TTC1: variants seen among roughly 807,000 people sequenced by gnomAD.
TTC1 encodes the protein tetratricopeptide repeat domain 1, also known as tetratricopeptide repeat protein 1.
TTC1 carries 31 observed loss-of-function variants against 37.6 expected under a neutral mutation model. That is an observed-to-expected ratio of 0.82 (90% CI 0.62 to 1.11). The LOEUF is 1.11. TTC1 is among the 50% of genes most tolerant of loss of function. The probability of loss-of-function intolerance (pLI) is 0.00; values close to 1 mark genes in which losing one functional copy is unlikely to be tolerated. For synonymous variants in TTC1, 127 were observed against 122.4 expected (o/e 1.04, Z -0.25); for missense variants, 351 against 339.0 (o/e 1.04, Z -0.28).
intron 2 of TTC1, among the ~76,000 whole-genome samples, chr5:160,032,072 A>G (rs1756920678): frequency 6.6e-6 from 1 of 152,184 alleles, no homozygotes; most frequent in Non-Finnish European, 1.5e-5. Flanking sequence ...CTTTCTGTAT[A>G]CTTGAGACGT....
chr5:160,059,957 G>A (rs1278204494), intron 7 of TTC1, among the ~76,000 whole-genome samples: 1 of 152,178 alleles, frequency 6.6e-6, no homozygotes, highest in African/African-American at 2.4e-5. Context: ...CACAATATCT[G>A]TAAAGCACAA....
At chr5:160,040,265 TAC>T (rs34348207) in intron 4 of TTC1, among the ~76,000 whole-genome samples, 9 of 150,808 alleles carry the variant, frequency 6.0e-5, no homozygotes, top group South Asian at 2.1e-4. Context: ...CACATATGTA[TAC>T]ACACACACAC....
At chr5:160,036,494 C>T (rs1258997842) in intron 3 of TTC1, 197 bp from the exon 4 acceptor site, 2 of 459,962 alleles carry the variant, frequency 4.3e-6, no homozygotes, top group Non-Finnish European at 8.0e-6. Flanking sequence ...GAGATTGGCA[C>T]AAGCAAGCAC....
chr5:160,049,567 T>C lies in TTC1; in HGVS notation c.595T>C (p.Tyr199His), dbSNP rs1314304701. The C allele has an allele frequency of 2.5e-6, 4 of 1,611,350 alleles. No individual in the cohort carries two copies. Among genetic ancestry groups the C allele is most frequent in the Non-Finnish European group, 3.4e-6 (4 of 1,179,024 alleles). The change falls in exon 6 of 8, where the codon TAT becomes CAT. Residue 199 changes from tyrosine to histidine, a missense_variant. Transcript: ENST00000231238. ...GGCAATATTGAGGAGAGCAGAGTTG[T>C]ATGAGAAGACGGACAAGCTAGATGA... Reference protein sequence around the residue: ...IRAILRRAELYEKTDKLDEAL... With the variant: ...IRAILRRAELHEKTDKLDEAL...
intron 7 of TTC1, among the ~76,000 whole-genome samples, chr5:160,053,674 A>G (rs1338907559): frequency 6.6e-6 from 1 of 152,140 alleles, no homozygotes; most frequent in African/African-American, 2.4e-5. Context: ...GTTCCATACA[A>G]ATTTTAGGAT....
intron 2 of TTC1, among the ~76,000 whole-genome samples, chr5:160,016,460 G>A (rs1003140917): frequency 2.0e-5 from 3 of 152,128 alleles, no homozygotes; most frequent in Non-Finnish European, 4.4e-5. Flanking sequence ...GTAATATAAT[G>A]TCAAATTAAT....
chr5:160,033,306 T>C (rs1756944730), intron 2 of TTC1, among the ~76,000 whole-genome samples: 3 of 152,194 alleles, frequency 2.0e-5, no homozygotes, highest in African/African-American at 7.2e-5. Context: ...GAATTGTTAT[T>C]TGTACCTGCT....
intron 2 of TTC1, among the ~76,000 whole-genome samples, chr5:160,033,571 A>G (rs936717805): frequency 6.6e-6 from 1 of 152,370 alleles, no homozygotes; most frequent in South Asian, 2.1e-4. Context: ...TTTATAAACA[A>G]AAGAGGTTGA....
intron 2 of TTC1, among the ~76,000 whole-genome samples, chr5:160,031,864 G>T (rs954168043): frequency 9.9e-5 from 15 of 151,940 alleles, no homozygotes; most frequent in African/African-American, 3.6e-4. Context: ...ATTACCTAGG[G>T]GCAGTGGTGC....
chr5:160,023,712 A>G (rs924806160), intron 2 of TTC1: 43 of 1,596,982 alleles, frequency 2.7e-5, no homozygotes, highest in East Asian at 4.5e-5. Flanking sequence ...ATGTTGCCTA[A>G]TCTTTCCACT....
intron 4 of TTC1, among the ~76,000 whole-genome samples, chr5:160,042,415 A>C (rs975417876): frequency 6.6e-6 from 1 of 152,232 alleles, no homozygotes; most frequent in Non-Finnish European, 1.5e-5. Context: ...CCTGCAAGAC[A>C]TCTTATATAA....
At chr5:160,045,188 G>A (rs982130708) in intron 5 of TTC1, among the ~76,000 whole-genome samples, 2 of 152,124 alleles carry the variant, frequency 1.3e-5, no homozygotes, top group Non-Finnish European at 2.9e-5. Flanking sequence ...AGCATGGTAT[G>A]TTGTAAGAAA....
At chr5:160,013,540 C>T (rs1850967) in intron 2 of TTC1, among the ~76,000 whole-genome samples, 6,149 of 151,646 alleles carry the variant, frequency 0.041, 154 homozygotes, top group East Asian at 0.12. Context: ...GTCAGGAATT[C>T]GAGACCAGCC....
intron 2 of TTC1, chr5:160,023,682 G>A (rs758200024): frequency 3.5e-4 from 496 of 1,431,692 alleles, no homozygotes; most frequent in Admixed American, 7.2e-4. Flanking sequence ...GGACAAAGCC[G>A]TGTGCACAAG....
chr5:160,013,328 A>G (rs1330229001), intron 2 of TTC1, among the ~76,000 whole-genome samples: 1 of 152,170 alleles, frequency 6.6e-6, no homozygotes, highest in East Asian at 1.9e-4. Context: ...TGGCTTTAAT[A>G]GCTCATCAGA....
At position 160,020,776 on chromosome 5, in the gene TTC1, A is replaced by G. The variant is rs149229899; in HGVS notation, c.330+9918A>G. Reference sequence around the variant, plus strand: ...CCCCCAGGTAGGACCGTCTAGTTGCAGGAAAACAAGCTTAGGGCTCCCACT... The same window carrying G: ...CCCCCAGGTAGGACCGTCTAGTTGCGGGAAAACAAGCTTAGGGCTCCCACT... On this transcript the variant is annotated intron_variant, in intron 2 of 7. Coordinates refer to ENST00000231238, the MANE Select transcript of TTC1 (RefSeq NM_003314.3). 1.5e-4 allele frequency among the ~76,000 whole-genome samples: 23 copies of G among 152,368 alleles called. No individual in the cohort carries two copies. The East Asian group carries it at 4.4e-3, about 29-fold the overall frequency.
At chr5:160,025,381 C>T (rs1469688395) in intron 2 of TTC1, among the ~76,000 whole-genome samples, 3 of 152,132 alleles carry the variant, frequency 2.0e-5, no homozygotes, top group Non-Finnish European at 4.4e-5. Flanking sequence ...ATGCTGGTCT[C>T]AAACTCTTGA....
chr5:160,026,715 A>G (rs2113357724), intron 2 of TTC1, among the ~76,000 whole-genome samples: 1 of 152,258 alleles, frequency 6.6e-6, no homozygotes, highest in African/African-American at 2.4e-5. Context: ...CCTATAGTCA[A>G]CATATAATTG....
chr5:160,061,266 T>G (rs1355629849), intron 7 of TTC1, among the ~76,000 whole-genome samples: 1 of 152,256 alleles, frequency 6.6e-6, no homozygotes, highest in Admixed American at 6.5e-5. Context: ...AAGTGTAAAC[T>G]CTTAGACAAA....
Sources: gnomAD v4.1 joint callset for allele counts (sites outside exome capture counted in the v4.1 genomes callset) on GRCh38, gnomAD v4.1.1 for gene constraint, MANE v1.5 for transcripts, NCBI Gene and HGNC (gene_info 2026-07-23, HGNC 2026-07-21) for gene names.